ZNF548: variants seen among roughly 807,000 people sequenced by gnomAD.
ZNF548 encodes zinc finger protein 548.
ZNF548 carries 10 observed loss-of-function variants against 10.2 expected under a neutral mutation model. That is an observed-to-expected ratio of 0.98 (90% CI 0.60 to 1.66). The LOEUF is 1.66. Ranked by LOEUF, ZNF548 falls within the 40% of genes most tolerant of loss-of-function variation. ZNF548 has a pLI of 0.00. For missense variants in ZNF548, 599 were observed against 657.0 expected, an observed-to-expected ratio of 0.91 and a Z score of 0.97; for synonymous variants, 217 against 223.5, an observed-to-expected ratio of 0.97 and a Z score of 0.26.
Position 57,389,902 on chromosome 19 carries a change from G to T in ZNF548, c.-198G>T. 3.4e-6 allele frequency: 2 copies of T among 590,464 alleles called. No individual in the cohort carries two copies. Among genetic ancestry groups the T allele is most frequent in the Non-Finnish European group, 5.7e-6 (2 of 349,448 alleles). 36.6% of individuals were successfully genotyped at this position (590,464 alleles called of 1,614,324 possible). A position where few individuals can be genotyped will look rare whatever the true frequency, so the allele number is the denominator to read the frequency against. ...GGTGGTCGTTTTGGTTCTGTGTGGTGTTTCACCAACTTCGGCCTATGGCTC... is the reference window on the plus strand; with the variant it reads ...GGTGGTCGTTTTGGTTCTGTGTGGTTTTTCACCAACTTCGGCCTATGGCTC... On this transcript the variant is annotated 5_prime_UTR_variant, in exon 1 of 4. Coordinates refer to ENST00000336128, the MANE Select transcript of ZNF548 (RefSeq NM_001172773.2).
Position 57,399,493 on chromosome 19 carries a change from T to C in ZNF548, c.1242T>C (p.Phe414=). The C allele has an allele frequency of 6.2e-7, 1 of 1,614,126 alleles. No individual in the cohort carries two copies. Residue 414 remains phenylalanine (F), a synonymous_variant, in exon 4 of 4, where the codon TTT becomes TTC. Coordinates refer to ENST00000336128, the MANE Select transcript of ZNF548 (RefSeq NM_001172773.2). This position sits in a 1 kb window ranked among gnomAD's most constrained non-coding sequence, Gnocchi z 4.0. ...AATGCAGTGAATGTGGGAAATCATT[T>C]AGGTACCACTGCAGGCTCATTAGAC... ...PYKCSECGKS[F]RYHCRLIRHQ...
In ZNF548 at chr19:57,398,428, A is replaced by G. The variant is rs1472866965; in HGVS notation, c.179-2A>G. On this transcript the variant is annotated splice_acceptor_variant, in intron 3 of 3. Coordinates refer to ENST00000336128, the MANE Select transcript of ZNF548 (RefSeq NM_001172773.2). LOFTEE classifies it high-confidence loss of function. ...ACTTCTCCAGCATTTCTGTTCTGAC[A>G]GGTTCTTGGCATGGAGCTGAGGATG... The G allele has an allele frequency of 1.2e-6, 2 of 1,610,960 alleles. No individual in the cohort carries two copies. Among genetic ancestry groups the G allele is most frequent in the East Asian group, 2.2e-5 (1 of 44,794 alleles).
In ZNF548 at chr19:57,389,980, T is replaced by G. The variant is rs1600083541; in HGVS notation, c.-120T>G. 6 of 1,322,192 alleles carry G rather than the reference T, an allele frequency of 4.5e-6. No homozygotes were observed. Among genetic ancestry groups the G allele is most frequent in the Non-Finnish European group, 6.2e-6 (6 of 969,712 alleles). The allele number at this position is 1,322,192 out of a possible 1,614,324, so 81.9% of individuals were successfully genotyped here. The stretch of plus-strand genomic sequence containing the variant: ...GGAAAAGCGCGAGAAGCGGCTCGGT[T>G]CCCACCACGGAGAGGCGGGAGTGAG... On this transcript the variant is annotated 5_prime_UTR_variant, in exon 1 of 4. Transcript: ENST00000336128.
chr19:57,401,876 T>C lies in ZNF548; in HGVS notation c.*1987T>C, dbSNP rs1374957230. On this transcript the variant is annotated 3_prime_UTR_variant, in exon 4 of 4. Coordinates refer to ENST00000336128, the MANE Select transcript of ZNF548 (RefSeq NM_001172773.2). Reference sequence around the variant, plus strand: ...ACCTCAGCCTCCCAAGTAGCTTGGATTACAAGTGTACACCACCACACCTGG... The same window carrying C: ...ACCTCAGCCTCCCAAGTAGCTTGGACTACAAGTGTACACCACCACACCTGG... 1 of 152,070 alleles carries C rather than the reference T, an allele frequency of 6.6e-6. No homozygotes were observed. The highest frequency in any genetic ancestry group is 1.5e-5 in the Non-Finnish European group (1 of 68,062). 9.4% of individuals were successfully genotyped at this position (152,070 alleles called of 1,614,324 possible).
At chr19:57,392,994 G>A (rs1568531028) in intron 1 of ZNF548, 11 of 985,192 alleles carry the variant, frequency 1.1e-5, no homozygotes, top group Non-Finnish European at 1.3e-5. Flanking sequence ...AGGTGGTTTC[G>A]ATCCTGCACC....
In ZNF548 at chr19:57,390,125, C is replaced by T. The variant is rs375149495; in HGVS notation, c.15+11C>T. The stretch of plus-strand genomic sequence containing the variant: ...ATGAACCTGACTGAGGTGGGTGTCC[C>T]GTCCCAGGCTCCCCCGCCCGACCGG... On this transcript the variant is annotated intron_variant, in intron 1 of 3. Coordinates refer to ENST00000336128, the MANE Select transcript of ZNF548 (RefSeq NM_001172773.2). The T allele has an allele frequency of 3.1e-6, 5 of 1,607,304 alleles. No individual in the cohort carries two copies. The Admixed American group carries it at 8.3e-5, about 27-fold the overall frequency.
intron 1 of ZNF548, chr19:57,390,863 G>C (rs1568530440): frequency 6.6e-6 from 1 of 152,306 alleles, no homozygotes; most frequent in African/African-American, 2.4e-5. Context: ...GTCTGAGGAA[G>C]GGGATTGGGT....
Position 57,397,149 on chromosome 19 carries a change from G to C in ZNF548, c.153G>C (p.Glu51Asp). ...TGCTGTACCGTGATGTGATGCTGGA[G>C]AATTTGGCCCTTTTGTCCTCACTAG... ...QRLLYRDVML[E>D]NLALLSSLGS... The change falls in exon 3 of 4, where the codon GAG (glutamate) becomes GAC (aspartate). Residue 51 changes from glutamate to aspartate, a missense_variant. Transcript: ENST00000336128. The C allele has an allele frequency of 6.2e-7, 1 of 1,611,732 alleles. No individual in the cohort carries two copies. The highest frequency in any genetic ancestry group is 8.5e-7 in the Non-Finnish European group (1 of 1,178,696).
In ZNF548 at chr19:57,399,019, G is replaced by C. The variant is rs1329241239; in HGVS notation, c.768G>C (p.Gln256His). The stretch of plus-strand genomic sequence containing the variant: ...ACAGTGCCAATTTCATGAAACATCA[G>C]ACAGTTCACACTAGTGAAAGGACTT... The part of the protein sequence containing the change: ...FKYSANFMKH[Q>H]TVHTSERTYE... Residue 256 changes from glutamine (Q) to histidine (H), a missense_variant, in exon 4 of 4, where the codon CAG (glutamine) becomes CAC (histidine). Transcript: ENST00000336128. This position sits in a 1 kb window ranked among gnomAD's most constrained non-coding sequence, Gnocchi z 4.0. The C allele has an allele frequency of 6.2e-7, 1 of 1,614,162 alleles. No homozygotes were observed.
At chr19:57,390,171 C>T in intron 1 of ZNF548, 57 bp downstream of exon 1, 18 of 1,586,858 alleles carry the variant, frequency 1.1e-5, no homozygotes, top group Non-Finnish European at 1.4e-5. Context: ...GCTGAAGCCC[C>T]CTGAAGGGGC....
At chr19:57,396,630 G>T (rs185159403) in intron 2 of ZNF548, among the ~76,000 whole-genome samples, 5 of 152,344 alleles carry the variant, frequency 3.3e-5, no homozygotes, top group South Asian at 2.1e-4. Context: ...TTTCCCCAAG[G>T]GGGGTACATA....
Position 57,399,396 on chromosome 19 carries a change from G to A in ZNF548, c.1145G>A (p.Cys382Tyr). 2 of 1,614,218 alleles carry A rather than the reference G, an allele frequency of 1.2e-6. No homozygotes were observed. The highest frequency in any genetic ancestry group is 1.7e-6 in the Non-Finnish European group (2 of 1,180,050). Residue 382 changes from cysteine to tyrosine, a missense_variant, in exon 4 of 4, where the codon TGT becomes TAT. By Grantham distance (194) the Cys-to-Tyr change is radical (BLOSUM62 -2). Coordinates refer to ENST00000336128, the MANE Select transcript of ZNF548 (RefSeq NM_001172773.2). The surrounding 1 kb of genome is among the most constrained non-coding windows in gnomAD (Gnocchi z 4.0). ...TGERPYECSVCGELFRYNSSL... is the reference protein window; with the variant it reads ...TGERPYECSVYGELFRYNSSL... ...GAAAGGCCTTATGAGTGCAGTGTATGTGGGGAATTGTTTAGGTACAACTCC... is the reference window on the plus strand; with the variant it reads ...GAAAGGCCTTATGAGTGCAGTGTATATGGGGAATTGTTTAGGTACAACTCC...
intron 2 of ZNF548, among the ~76,000 whole-genome samples, chr19:57,394,610 G>A (rs2088652404): frequency 6.6e-6 from 1 of 152,184 alleles, no homozygotes; most frequent in Admixed American, 6.5e-5. Flanking sequence ...TCTAAGGGAA[G>A]TGGGAGACGG....
intron 1 of ZNF548, 72 bp downstream of exon 1, chr19:57,390,186 CAG>C: frequency 6.5e-7 from 1 of 1,538,996 alleles, no homozygotes; most frequent in Non-Finnish European, 8.8e-7. Context: ...AGGGGCCCTG[CAG>C]GTCAGGCCCC....
At position 57,398,510 on chromosome 19, in the gene ZNF548, A is replaced by G. The variant is rs1433780901; in HGVS notation, c.259A>G (p.Lys87Glu). The change falls in exon 4 of 4, where the codon AAG (lysine) becomes GAG (glutamate). Residue 87 changes from lysine to glutamate, a missense_variant. Physicochemically the swap from Lys to Glu is moderately conservative, Grantham distance 56. Transcript: ENST00000336128. ...AGGAGTGTCAGAGGTTACAGCTTCA[A>G]AGCCCTGTCTGTCCAGCCAGAAGGT... ...SVGVSEVTASKPCLSSQKVHP... is the reference protein window; with the variant it reads ...SVGVSEVTASEPCLSSQKVHP... 8 of 1,614,164 alleles carry G rather than the reference A, an allele frequency of 5.0e-6. No homozygotes were observed. The East Asian group carries it at 1.3e-4, about 27-fold the overall frequency.
chr19:57,393,058 T>C (rs2088638149), intron 1 of ZNF548: 8 of 853,156 alleles, frequency 9.4e-6, no homozygotes, highest in Non-Finnish European at 1.1e-5. Context: ...AGAAATGTTA[T>C]TGAGGCTGGT....
intron 1 of ZNF548, among the ~76,000 whole-genome samples, chr19:57,391,038 G>A (rs946560194): frequency 1.3e-5 from 2 of 152,158 alleles, no homozygotes; most frequent in Non-Finnish European, 2.9e-5. Context: ...GTCAAGTCTG[G>A]GCTTTTAATG....
chr19:57,390,459 C>A (rs906409414), intron 1 of ZNF548: 1 of 259,788 alleles, frequency 3.8e-6, no homozygotes, highest in Non-Finnish European at 7.3e-6. Context: ...GTCCAGAGTT[C>A]GAAGTTTCAA....
At chr19:57,394,321 G>A in intron 2 of ZNF548, 98 bp downstream of exon 2, 1 of 1,288,756 alleles carries the variant, frequency 7.8e-7, no homozygotes, top group Non-Finnish European at 1.1e-6. Context: ...TCTTATGTCT[G>A]AAGGGTGAGT....
Sources: gnomAD v4.1 joint callset for allele counts (sites outside exome capture counted in the v4.1 genomes callset) on GRCh38, gnomAD v4.1.1 for gene constraint, Gnocchi (gnomAD v3.1) non-coding constraint, MANE v1.5 for transcripts, NCBI Gene and HGNC (gene_info 2026-07-23, HGNC 2026-07-21) for gene names.